GALNT13: variants seen among roughly 807,000 people sequenced by gnomAD.
The protein encoded by GALNT13 is UDP-GalNAc:polypeptide N-acetylgalactosaminyltransferase 13.
Under a neutral mutation model 64.2 loss-of-function variants are expected in GALNT13, and 28 were observed. The observed-to-expected ratio is 0.44, with a 90% CI of 0.32 to 0.60. The LOEUF (loss-of-function observed/expected upper bound fraction) is 0.60, where lower values mean the gene tolerates loss of function less well. Among genes scored for constraint, GALNT13 ranks in the 20% least tolerant of loss-of-function variants. GALNT13 has a pLI of 0.05. For synonymous variants in GALNT13, 214 were observed against 224.6 expected, an observed-to-expected ratio of 0.95 and a Z score of 0.42; for missense variants, 577 against 669.8, an observed-to-expected ratio of 0.86 and a Z score of 1.53.
chr2:154,434,647 TTTAGTGG>T (rs778059610), intron 11 of GALNT13, among the ~76,000 whole-genome samples: 20 of 152,084 alleles, frequency 1.3e-4, no homozygotes, highest in Admixed American at 8.5e-4. Context: ...AAATGGCCAT[TTTAGTGG>T]TTGTTTGTAG....
the GALNT13 span, among the ~76,000 whole-genome samples, chr2:153,241,159 C>G: frequency 6.7e-6 from 1 of 148,542 alleles, no homozygotes. Flanking sequence ...AGGCCTAACT[C>G]AGAAAACCCT....
At chr2:153,704,357 G>T in the GALNT13 span, among the ~76,000 whole-genome samples, 11 of 152,092 alleles carry the variant, frequency 7.2e-5, no homozygotes, top group African/African-American at 2.7e-4. Context: ...ACTGATTGAC[G>T]CTAAGCATGG....
At chr2:154,366,833 A>G (rs1412396215) in intron 9 of GALNT13, among the ~76,000 whole-genome samples, 1 of 152,168 alleles carries the variant, frequency 6.6e-6, no homozygotes, top group Non-Finnish European at 1.5e-5. Flanking sequence ...CTAAGTTTCA[A>G]TCAGGTGATC....
At chr2:154,000,222 T>C (rs1695809174) in intron 3 of GALNT13, among the ~76,000 whole-genome samples, 1 of 151,566 alleles carries the variant, frequency 6.6e-6, no homozygotes, top group South Asian at 2.1e-4. Flanking sequence ...TCTTTGTTTT[T>C]AGTCTAGCTA....
chr2:153,791,723 C>T, the GALNT13 span, among the ~76,000 whole-genome samples: 1 of 152,090 alleles, frequency 6.6e-6, no homozygotes. Context: ...TATGTCTACA[C>T]CATGGAATAC....
chr2:153,832,817 G>A, the GALNT13 span, among the ~76,000 whole-genome samples: 9 of 152,252 alleles, frequency 5.9e-5, no homozygotes, highest in East Asian at 1.2e-3. Context: ...AAGCCAGACA[G>A]TCTCTGTCAC....
At chr2:153,755,054 C>T in the GALNT13 span, among the ~76,000 whole-genome samples, 1 of 152,166 alleles carries the variant, frequency 6.6e-6, no homozygotes, top group African/African-American at 2.4e-5. Flanking sequence ...CACACTGCTG[C>T]TGCCAGAGAA....
At chr2:153,626,065 A>T in the GALNT13 span, among the ~76,000 whole-genome samples, 3 of 152,128 alleles carry the variant, frequency 2.0e-5, no homozygotes, top group East Asian at 5.8e-4. Flanking sequence ...TCAAGAATAT[A>T]AGATGCATAC....
At chr2:153,371,020 CCTGA>C in the GALNT13 span, 1 of 215,326 alleles carries the variant, frequency 4.6e-6, no homozygotes, top group Non-Finnish European at 9.8e-6. Flanking sequence ...TTGACTGGCT[CCTGA>C]CTATGATGCT....
At chr2:153,654,225 G>C in the GALNT13 span, among the ~76,000 whole-genome samples, 1 of 152,026 alleles carries the variant, frequency 6.6e-6, no homozygotes, top group Non-Finnish European at 1.5e-5. Flanking sequence ...CAAATAATTG[G>C]TGTGAAAAAT....
chr2:153,431,564 A>G, the GALNT13 span, among the ~76,000 whole-genome samples: 107 of 152,320 alleles, frequency 7.0e-4, 1 homozygote, highest in East Asian at 0.017. Context: ...TCATCTGATT[A>G]CAAAAGACAC....
the GALNT13 span, among the ~76,000 whole-genome samples, chr2:153,415,041 G>A: frequency 1.9e-4 from 29 of 152,130 alleles, no homozygotes; most frequent in Admixed American, 3.3e-4. Flanking sequence ...CACTGGCATG[G>A]TATTACTTAT....
At chr2:154,173,905 A>ACACTGCCCACACAC (rs1280445152) in intron 4 of GALNT13, among the ~76,000 whole-genome samples, 1 of 152,096 alleles carries the variant, frequency 6.6e-6, no homozygotes, top group Non-Finnish European at 1.5e-5. Flanking sequence ...GCTGGCACAG[A>ACACTGCCCACACAC]TGTGGAGAAA....
chr2:153,744,607 T>A, the GALNT13 span, among the ~76,000 whole-genome samples: 28 of 152,176 alleles, frequency 1.8e-4, no homozygotes, highest in Non-Finnish European at 3.7e-4. Context: ...TGGGCAAGAT[T>A]TGGTAAACAT....
At chr2:154,213,647 A>G (rs1323335137) in intron 4 of GALNT13, among the ~76,000 whole-genome samples, 2 of 151,962 alleles carry the variant, frequency 1.3e-5, no homozygotes, top group East Asian at 1.9e-4. Context: ...ACAGGCAGAC[A>G]ATATGATTTT....
At chr2:154,292,126 A>T (rs1471634601) in intron 8 of GALNT13, among the ~76,000 whole-genome samples, 1 of 151,960 alleles carries the variant, frequency 6.6e-6, no homozygotes, top group African/African-American at 2.4e-5. Flanking sequence ...ATCCATTTTG[A>T]TGTGAGTATT....
At position 154,382,702 on chromosome 2, in the gene GALNT13, A is replaced by C. The variant is rs116613457; in HGVS notation, c.1157-13289A>C. 8.3e-3 allele frequency among the ~76,000 whole-genome samples: 1,260 copies of C among 152,088 alleles called. 22 individuals carry two copies. The highest frequency in any genetic ancestry group is 0.026 in the African/African-American group (1,097 of 41,528). Reference sequence around the variant, plus strand: ...ACTCATTTATAGTAGTTTAGGACAGAAGGGGAAAATTGGTTGACAGTTGAG... The same window carrying C: ...ACTCATTTATAGTAGTTTAGGACAGCAGGGGAAAATTGGTTGACAGTTGAG... On this transcript the variant is annotated intron_variant, in intron 9 of 12. Transcript: ENST00000392825.
At chr2:153,706,429 T>C in the GALNT13 span, among the ~76,000 whole-genome samples, 1 of 152,198 alleles carries the variant, frequency 6.6e-6, no homozygotes, top group East Asian at 1.9e-4. Flanking sequence ...ATTAAAACTG[T>C]GGGGATAATA....
At chr2:153,846,755 A>C in the GALNT13 span, among the ~76,000 whole-genome samples, 2 of 152,124 alleles carry the variant, frequency 1.3e-5, no homozygotes, top group South Asian at 2.1e-4. Context: ...GAATGATGAA[A>C]TGAATACGCA....
Sources: gnomAD v4.1 joint callset for allele counts (sites outside exome capture counted in the v4.1 genomes callset) on GRCh38, gnomAD v4.1.1 for gene constraint, MANE v1.5 for transcripts, NCBI Gene and HGNC (gene_info 2026-07-23, HGNC 2026-07-21) for gene names.